ARMH4: variants seen among roughly 807,000 people sequenced by gnomAD.
ARMH4 encodes the protein armadillo-like helical domain-containing protein 4.
A neutral mutation model predicts 61.9 loss-of-function variants in ARMH4; 49 were observed. The ratio of observed to expected loss-of-function variants is 0.79; its 90% CI spans 0.63 to 1.00. ARMH4 has a LOEUF of 1.00. ARMH4 is among the 50% of genes least tolerant of loss of function. The pLI is 0.00. For missense variants in ARMH4, 934 were observed against 930.0 expected (o/e 1.00, Z -0.06); for synonymous variants, 368 against 341.5 (o/e 1.08, Z -0.85).
intron 5 of ARMH4, among the ~76,000 whole-genome samples, chr14:58,087,508 C>T (rs1885421132): frequency 6.6e-6 from 1 of 152,126 alleles, no homozygotes; most frequent in Non-Finnish European, 1.5e-5. Context: ...GCATTTGAGA[C>T]TTAGAGCTGC....
At chr14:58,006,580 T>C (rs1309076232) in intron 6 of ARMH4, among the ~76,000 whole-genome samples, 1 of 152,202 alleles carries the variant, frequency 6.6e-6, no homozygotes, top group Non-Finnish European at 1.5e-5. Context: ...ATATGGAAAT[T>C]CTTCCATTAA....
At chr14:58,032,695 G>A (rs893182669) in intron 5 of ARMH4, among the ~76,000 whole-genome samples, 2 of 148,012 alleles carry the variant, frequency 1.4e-5, no homozygotes, top group Non-Finnish European at 3.1e-5. Context: ...GTGTGTGCGC[G>A]CACCGTGCGC....
chr14:58,111,372 A>G lies in ARMH4; in HGVS notation c.1832-14391T>C, dbSNP rs574351790. ...AATGCAGAAAAAGCATTTGATAAAA[A>G]TCCAATATGCACACAATGTCCAAAA... is the stretch of plus-strand genomic sequence containing the variant. On this transcript the variant is annotated intron_variant, in intron 4 of 7. Coordinates refer to ENST00000267485, the MANE Select transcript of ARMH4 (RefSeq NM_001001872.4). Among the ~76,000 whole-genome samples, 13 of 152,346 alleles carry G rather than the reference A, an allele frequency of 8.5e-5. No homozygotes were observed. In the South Asian group the frequency reaches 1.4e-3, roughly 17 times the overall value.
chr14:58,069,492 A>C (rs1021523587), intron 5 of ARMH4, among the ~76,000 whole-genome samples: 1 of 152,218 alleles, frequency 6.6e-6, no homozygotes, highest in Non-Finnish European at 1.5e-5. Flanking sequence ...ATAAGATGAC[A>C]GTTTCATCTG....
At chr14:58,056,275 G>A (rs992199070) in intron 5 of ARMH4, among the ~76,000 whole-genome samples, 1 of 152,188 alleles carries the variant, frequency 6.6e-6, no homozygotes, top group African/African-American at 2.4e-5. Flanking sequence ...TCATTCTGCA[G>A]TACTTCATAT....
At chr14:58,151,700 G>C (rs1357863964) in intron 1 of ARMH4, among the ~76,000 whole-genome samples, 4 of 152,222 alleles carry the variant, frequency 2.6e-5, no homozygotes, top group Non-Finnish European at 5.9e-5. Flanking sequence ...ACTGCTGTGG[G>C]ATTGCGAGCG....
At position 58,096,944 on chromosome 14, in the gene ARMH4, A is replaced by ATCT. The variant is rs752431315; in HGVS notation, c.1866_1868dup (p.Glu622dup). On this transcript the variant is annotated inframe_insertion, in exon 5 of 8. Coordinates refer to ENST00000267485, the MANE Select transcript of ARMH4 (RefSeq NM_001001872.4). ...CCTCATCTTCCTCTTCTTCATCTTC[A>ATCT]TCTTCTTCATCCTCTTCATCCTCAT... is the stretch of plus-strand genomic sequence containing the variant. 1 of 1,612,112 alleles carries ATCT rather than the reference A, an allele frequency of 6.2e-7. No homozygotes were observed. The highest frequency in any genetic ancestry group is 8.5e-7 in the Non-Finnish European group (1 of 1,179,278).
chr14:58,105,551 G>A (rs1418442062), intron 4 of ARMH4, among the ~76,000 whole-genome samples: 1 of 152,044 alleles, frequency 6.6e-6, no homozygotes, highest in African/African-American at 2.4e-5. Context: ...GCCAGGCATG[G>A]TGGCACATGC....
chr14:58,072,451 G>A (rs1235889155), intron 5 of ARMH4, among the ~76,000 whole-genome samples: 1 of 152,110 alleles, frequency 6.6e-6, no homozygotes, highest in Non-Finnish European at 1.5e-5. Context: ...GGGCACGGTG[G>A]CTTATGCCTG....
At chr14:58,113,287 G>A (rs1315082274) in intron 4 of ARMH4, among the ~76,000 whole-genome samples, 3 of 152,094 alleles carry the variant, frequency 2.0e-5, no homozygotes, top group African/African-American at 7.2e-5. Context: ...TGCTGCATGT[G>A]GCAATCATCC....
chr14:58,019,733 G>A (rs1244922789), intron 5 of ARMH4, among the ~76,000 whole-genome samples: 3 of 152,116 alleles, frequency 2.0e-5, no homozygotes, highest in Admixed American at 6.5e-5. Context: ...GGAGGTTGCA[G>A]TGAGCCGAGA....
chr14:58,057,910 T>C (rs8006223), intron 5 of ARMH4, among the ~76,000 whole-genome samples: 6,508 of 152,246 alleles, frequency 0.043, 136 homozygotes, highest in South Asian at 0.049. Flanking sequence ...GTAAACCTAT[T>C]TGAGTACGGC....
At chr14:58,146,236 G>C (rs1262087028) in intron 1 of ARMH4, among the ~76,000 whole-genome samples, 1 of 152,232 alleles carries the variant, frequency 6.6e-6, no homozygotes, top group Non-Finnish European at 1.5e-5. Flanking sequence ...AAGGAGGAGA[G>C]ATTCCATTGC....
At chr14:58,146,860 C>T (rs1284694440) in intron 1 of ARMH4, among the ~76,000 whole-genome samples, 1 of 152,170 alleles carries the variant, frequency 6.6e-6, no homozygotes, top group African/African-American at 2.4e-5. Context: ...AGTGATGAAG[C>T]TACTACTTCC....
intron 5 of ARMH4, among the ~76,000 whole-genome samples, chr14:58,044,869 C>T (rs1440145405): frequency 3.3e-5 from 5 of 152,206 alleles, no homozygotes; most frequent in Non-Finnish European, 5.9e-5. Context: ...AAATGCTCAT[C>T]GTCACTGGCC....
At chr14:58,031,539 C>T (rs1883229718) in intron 5 of ARMH4, among the ~76,000 whole-genome samples, 1 of 152,202 alleles carries the variant, frequency 6.6e-6, no homozygotes, top group Admixed American at 6.5e-5. Flanking sequence ...CAGCCACTTG[C>T]TCCGTGGTCC....
intron 5 of ARMH4, among the ~76,000 whole-genome samples, chr14:58,093,773 G>C (rs1885654093): frequency 1.3e-5 from 2 of 152,072 alleles, no homozygotes; most frequent in South Asian, 4.2e-4. Context: ...TCTAGACCCA[G>C]ATACTCCTCA....
chr14:58,074,400 T>C (rs891801271), intron 5 of ARMH4, among the ~76,000 whole-genome samples: 1 of 152,184 alleles, frequency 6.6e-6, no homozygotes, highest in Non-Finnish European at 1.5e-5. Flanking sequence ...TGATATGAAT[T>C]ATATTCATTA....
intron 1 of ARMH4, among the ~76,000 whole-genome samples, chr14:58,140,412 C>A (rs186299114): frequency 1.4e-3 from 209 of 151,734 alleles, no homozygotes; most frequent in African/African-American, 4.8e-3. Flanking sequence ...GAAACCCCAT[C>A]TCTGATAAAA....
Sources: allele counts gnomAD v4.1 joint callset (sites outside exome capture counted in the v4.1 genomes callset), GRCh38; gene constraint gnomAD v4.1.1; transcripts MANE v1.5; gene names NCBI Gene and HGNC (gene_info 2026-07-23, HGNC 2026-07-21).